The following RERG variants were observed in gnomAD, a reference collection of about 807,000 sequenced individuals.
RERG encodes the protein ras-related and estrogen-regulated growth inhibitor.
RERG carries 25 observed loss-of-function variants against 23.2 expected under a neutral mutation model. The observed-to-expected ratio is 1.08, with a 90% CI of 0.79 to 1.50. The LOEUF is 1.50. Ranked by LOEUF, RERG falls within the 40% of genes most tolerant of loss-of-function variation. The pLI is 0.00. For missense variants in RERG, 253 were observed against 250.1 expected, an observed-to-expected ratio of 1.01 and a Z score of -0.08; for synonymous variants, 81 against 89.1, an observed-to-expected ratio of 0.91 and a Z score of 0.51.
Position 15,168,043 on chromosome 12 carries a change from T to G in RERG, c.62-46924A>C, listed in dbSNP as rs1022412722. Among the ~76,000 whole-genome samples, 2 of 152,210 alleles carry G rather than the reference T, an allele frequency of 1.3e-5. 1 individual carries two copies. Among genetic ancestry groups the G allele is most frequent in the South Asian group, 4.1e-4 (2 of 4,832 alleles). ...GATTGCCTCTCATCTAATTAACCAATTAGGCTTTTCACCTTTTTGTTGGGA... is the reference window on the plus strand; with the variant it reads ...GATTGCCTCTCATCTAATTAACCAAGTAGGCTTTTCACCTTTTTGTTGGGA... On this transcript the variant is annotated intron_variant, in intron 2 of 4. Coordinates refer to ENST00000256953, the MANE Select transcript of RERG (RefSeq NM_032918.3).
At chr12:15,125,999 C>CCTCAGGATCTACATT (rs1863930701) in intron 2 of RERG, among the ~76,000 whole-genome samples, 1 of 151,020 alleles carries the variant, frequency 6.6e-6, no homozygotes, top group African/African-American at 2.4e-5. Flanking sequence ...TCTTTCCTAG[C>CCTCAGGATCTACATT]CTCAGGATCT....
At chr12:15,168,514 T>C (rs761505362) in intron 2 of RERG, among the ~76,000 whole-genome samples, 7 of 152,202 alleles carry the variant, frequency 4.6e-5, no homozygotes, top group Non-Finnish European at 1.0e-4. Flanking sequence ...TGAGAGCACT[T>C]TGGAAATTCA....
intron 2 of RERG, among the ~76,000 whole-genome samples, chr12:15,186,231 C>T (rs1419195398): frequency 1.3e-5 from 2 of 151,330 alleles, no homozygotes; most frequent in Admixed American, 6.6e-5. Flanking sequence ...TTTAAAAATA[C>T]ATTATATTTT....
In RERG at chr12:15,155,759, G is replaced by A. The variant is rs1008235741; in HGVS notation, c.62-34640C>T. ...GAAAACAGCCAGTTGTTAAGCAAGG[G>A]TATTCTCCACTAGGGCTACCATGAA... On this transcript the variant is annotated intron_variant, in intron 2 of 4. Transcript: ENST00000256953. 5.3e-5 allele frequency among the ~76,000 whole-genome samples: 8 copies of A among 152,110 alleles called. No homozygotes were observed. In the East Asian group the frequency reaches 1.4e-3, roughly 26 times the overall value.
At chr12:15,161,771 T>C (rs915261753) in intron 2 of RERG, among the ~76,000 whole-genome samples, 1 of 151,958 alleles carries the variant, frequency 6.6e-6, no homozygotes, top group East Asian at 1.9e-4. Flanking sequence ...CCAATAACAA[T>C]AATAATAATA....
chr12:15,139,481 T>A (rs762035962), intron 2 of RERG, among the ~76,000 whole-genome samples: 1 of 152,154 alleles, frequency 6.6e-6, no homozygotes, highest in African/African-American at 2.4e-5. Flanking sequence ...TTTATTTAGA[T>A]CTTCTTTATT....
rs770536415 is a variant in RERG, at chr12:15,109,179, C to T, written c.531G>A (p.Thr177=). 3.1e-6 allele frequency: 5 copies of T among 1,611,494 alleles called. No homozygotes were observed. Among genetic ancestry groups the T allele is most frequent in the Non-Finnish European group, 1.7e-6 (2 of 1,179,136 alleles). Residue 177 remains threonine (T), a synonymous_variant, in exon 5 of 5, where the codon ACG becomes ACA. Coordinates refer to ENST00000256953, the MANE Select transcript of RERG (RefSeq NM_032918.3). ...CATGCGTGGTGGAGCTGCGTCGCCT[C>T]GTCTTGCCCTGCACCATCCTCCGGC... ...VRRRRMVQGK[T]RRRSSTTHVK... is the part of the protein sequence containing the mutation.
chr12:15,190,444 G>T (rs926379215), intron 2 of RERG, among the ~76,000 whole-genome samples: 1 of 152,150 alleles, frequency 6.6e-6, no homozygotes, highest in African/African-American at 2.4e-5. Context: ...TAAATAGTGG[G>T]AATGTCTTGG....
At chr12:15,153,280 A>G (rs1328862491) in intron 2 of RERG, among the ~76,000 whole-genome samples, 4 of 152,170 alleles carry the variant, frequency 2.6e-5, no homozygotes, top group Admixed American at 1.3e-4. Flanking sequence ...GATAACAATT[A>G]TCTGCGACTT....
chr12:15,133,062 T>C (rs1327393031), intron 2 of RERG, among the ~76,000 whole-genome samples: 11 of 133,502 alleles, frequency 8.2e-5, no homozygotes, highest in Non-Finnish European at 6.2e-5. Flanking sequence ...TTTTTAACAA[T>C]GATGAATCTA....
At chr12:15,199,507 C>G (rs553895677) in intron 2 of RERG, among the ~76,000 whole-genome samples, 4 of 152,188 alleles carry the variant, frequency 2.6e-5, no homozygotes, top group African/African-American at 9.6e-5. Context: ...ATATTCTAGA[C>G]TGGTATTTAC....
intron 2 of RERG, among the ~76,000 whole-genome samples, chr12:15,160,190 T>G (rs1864583568): frequency 6.6e-6 from 1 of 152,180 alleles, no homozygotes; most frequent in Non-Finnish European, 1.5e-5. Flanking sequence ...CATTTTTTTT[T>G]GTTTTGAATC....
intron 2 of RERG, among the ~76,000 whole-genome samples, chr12:15,209,090 C>T (rs574342103): frequency 6.6e-6 from 1 of 152,310 alleles, no homozygotes; most frequent in Non-Finnish European, 1.5e-5. Flanking sequence ...AAACAGCCAA[C>T]TGCTGGACTG....
chr12:15,138,034 A>T, intron 2 of RERG: 1 of 307,514 alleles, frequency 3.3e-6, no homozygotes. Context: ...TTCAGGGTAT[A>T]GAATTCTAGG....
chr12:15,158,012 C>T (rs1001752004), intron 2 of RERG, among the ~76,000 whole-genome samples: 1 of 152,158 alleles, frequency 6.6e-6, no homozygotes, highest in Admixed American at 6.5e-5. Flanking sequence ...ATTTTGCCTC[C>T]TTACATTTAA....
Position 15,108,874 on chromosome 12 carries a change from A to G in RERG, c.*236T>C, listed in dbSNP as rs2136080650. ...AGTCATTTCAGAATCTCTGGTGATTACATGTTCAAATGCCATTAGAGTGTA... is the reference window on the plus strand; with the variant it reads ...AGTCATTTCAGAATCTCTGGTGATTGCATGTTCAAATGCCATTAGAGTGTA... On this transcript the variant is annotated 3_prime_UTR_variant, in exon 5 of 5. Transcript: ENST00000256953. 4 of 411,974 alleles carry G rather than the reference A, an allele frequency of 9.7e-6. No individual in the cohort carries two copies. The East Asian group carries it at 1.5e-4, about 15-fold the overall frequency. 25.5% of individuals were successfully genotyped at this position (411,974 alleles called of 1,614,324 possible). A position where few individuals can be genotyped will look rare whatever the true frequency, so the allele number is the denominator to read the frequency against.
intron 2 of RERG, among the ~76,000 whole-genome samples, chr12:15,128,075 T>A (rs1354929002): frequency 6.6e-6 from 1 of 152,180 alleles, no homozygotes; most frequent in Non-Finnish European, 1.5e-5. Flanking sequence ...ATTTTAATAT[T>A]TCTATGTATA....
intron 2 of RERG, among the ~76,000 whole-genome samples, chr12:15,208,400 T>C (rs1319602973): frequency 6.6e-6 from 1 of 152,206 alleles, no homozygotes; most frequent in East Asian, 1.9e-4. Context: ...AGGAAACCAC[T>C]TTGGTCATAA....
Position 15,108,897 on chromosome 12 carries a change from G to GTA in RERG, c.*211_*212dup. On this transcript the variant is annotated 3_prime_UTR_variant, in exon 5 of 5. Transcript: ENST00000256953. ...TTACATGTTCAAATGCCATTAGAGT[G>GTA]TATCTTATTCAAGCAGGAAAGGAAG... 5.8e-6 allele frequency: 3 copies of GTA among 516,586 alleles called. No individual in the cohort carries two copies. The South Asian group carries it at 1.0e-4, about 17-fold the overall frequency. The allele number at this position is 516,586 out of a possible 1,614,324, so 32.0% of individuals were successfully genotyped here.
Sources: gnomAD v4.1 joint callset for allele counts (sites outside exome capture counted in the v4.1 genomes callset) on GRCh38, gnomAD v4.1.1 for gene constraint, MANE v1.5 for transcripts, NCBI Gene and HGNC (gene_info 2026-07-23, HGNC 2026-07-21) for gene names.